The following OAS1 variants were observed in gnomAD, a reference collection of about 807,000 sequenced individuals.
OAS1 encodes the protein 2'-5'-oligoadenylate synthetase 1, also known as 2'-5'-oligoadenylate synthase 1.
Under a neutral mutation model 38.5 loss-of-function variants are expected in OAS1, and 24 were observed. The ratio of observed to expected loss-of-function variants is 0.62; its 90% CI spans 0.45 to 0.88. The LOEUF is 0.88. Ranked by LOEUF, OAS1 falls within the 40% of genes least tolerant of loss-of-function variation. The pLI is 0.00. For synonymous variants in OAS1, 169 were observed against 193.9 expected (o/e 0.87, Z 1.07); for missense variants, 482 against 493.9 (o/e 0.98, Z 0.23).
intron 4 of OAS1, among the ~76,000 whole-genome samples, chr12:112,917,153 ATGTTCTAG>A (rs1405299607): frequency 3.9e-5 from 6 of 152,224 alleles, no homozygotes; most frequent in African/African-American, 1.2e-4. Flanking sequence ...TATGTATGTT[ATGTTCTAG>A]TCGCTGTGCT....
In OAS1 at chr12:112,916,721, G is replaced by A. The variant is rs1379368384; in HGVS notation, c.867G>A (p.Arg289=). 1.9e-5 allele frequency: 30 copies of A among 1,613,806 alleles called. No homozygotes were observed. The highest frequency in any genetic ancestry group is 2.4e-5 in the Non-Finnish European group (28 of 1,179,858). The stretch of plus-strand genomic sequence containing the variant: ...CCATTATTGAAAAGTACCTGAGAAG[G>A]CAGCTCACGAAACCCAGGTATGCTA... ...KNPIIEKYLR[R]QLTKPRPVIL... is the part of the protein sequence containing the mutation. Residue 289 remains arginine, a synonymous_variant, in exon 4 of 6, where the codon AGG becomes AGA. Transcript: ENST00000202917.
downstream of OAS1, among the ~76,000 whole-genome samples, chr12:112,920,579 T>C (rs1487254524): frequency 6.6e-6 from 1 of 152,244 alleles, no homozygotes; most frequent in Non-Finnish European, 1.5e-5. Flanking sequence ...GACAGCTCTG[T>C]CCTCCAAGGT....
At chr12:112,928,487 G>A (rs997762568) in intron 6 of OAS1, among the ~76,000 whole-genome samples, 8 of 152,360 alleles carry the variant, frequency 5.3e-5, no homozygotes, top group Non-Finnish European at 1.2e-4. Flanking sequence ...GCTCATGTGA[G>A]CATGGGTTGG....
chr12:112,922,981 T>C (rs10850096), downstream of OAS1, among the ~76,000 whole-genome samples: 114,604 of 152,198 alleles, frequency 0.75, 44,375 homozygotes, highest in African/African-American at 0.94. Context: ...CTTTCCTCCT[T>C]GGCCACTCAA....
At chr12:112,923,818 C>T (rs761957863), downstream of OAS1, among the ~76,000 whole-genome samples, 4 of 152,176 alleles carry the variant, frequency 2.6e-5, no homozygotes, top group Non-Finnish European at 5.9e-5. Context: ...GGGGAAAGGA[C>T]AGTGTCTTCA....
At chr12:112,914,602 C>T (rs371417342) in intron 3 of OAS1, among the ~76,000 whole-genome samples, 22 of 152,154 alleles carry the variant, frequency 1.4e-4, no homozygotes, top group South Asian at 1.2e-3. Flanking sequence ...ACACCAACAT[C>T]TATTATTGTT....
At chr12:112,908,277 T>C (rs146999796) in intron 1 of OAS1, among the ~76,000 whole-genome samples, 44 of 152,282 alleles carry the variant, frequency 2.9e-4, no homozygotes, top group African/African-American at 9.1e-4. Flanking sequence ...CAGGTTTGAA[T>C]TGTATTTGCC....
chr12:112,909,216 A>AGGAACATT (rs1168251107), intron 2 of OAS1, among the ~76,000 whole-genome samples: 1 of 152,266 alleles, frequency 6.6e-6, no homozygotes, highest in East Asian at 1.9e-4. Flanking sequence ...TATAATTTGC[A>AGGAACATT]GGAACATTTG....
chr12:112,917,230 T>C (rs1423765544), intron 4 of OAS1, among the ~76,000 whole-genome samples: 5 of 152,228 alleles, frequency 3.3e-5, no homozygotes, highest in Non-Finnish European at 7.3e-5. Flanking sequence ...GAGATAGGTA[T>C]GTGGAACTAT....
Position 112,916,742 on chromosome 12 carries a change from T to A in OAS1, c.884+4T>A. On this transcript the variant is annotated splice_donor_region_variant and intron_variant, in intron 4 of 5. Transcript: ENST00000202917. ...GAAGGCAGCTCACGAAACCCAGGTA[T>A]GCTATCCCCACATGGCTTAGCTCCC... 1 of 1,605,674 alleles carries A rather than the reference T, an allele frequency of 6.2e-7. No individual in the cohort carries two copies. The highest frequency in any genetic ancestry group is 1.7e-5 in the Admixed American group (1 of 60,000).
At chr12:112,923,717 T>C (rs532844624), downstream of OAS1, among the ~76,000 whole-genome samples, 1 of 152,252 alleles carries the variant, frequency 6.6e-6, no homozygotes, top group Non-Finnish European at 1.5e-5. Context: ...TTTAGTCTGA[T>C]GTAGTCCAAG....
rs2043468793 is a variant in OAS1 at position 112,916,919 on chromosome 12, GAGGC to G, written c.884+187_884+190del. 18 of 593,462 alleles carry G rather than the reference GAGGC, an allele frequency of 3.0e-5. No individual in the cohort carries two copies. The South Asian group carries it at 3.5e-4, about 12-fold the overall frequency. The allele number at this position is 593,462 out of a possible 1,614,324, so 36.8% of individuals were successfully genotyped here. On this transcript the variant is annotated intron_variant, in intron 4 of 5. Coordinates refer to ENST00000202917, the MANE Select transcript of OAS1 (RefSeq NM_016816.4). ...TTTAAACACCTACCTCCAACCCTGTGAGGCAGGCACTATGCCAATTATTTTACAG... is the reference window on the plus strand; with the variant it reads ...TTTAAACACCTACCTCCAACCCTGTGAGGCACTATGCCAATTATTTTACAG...
At chr12:112,909,794 C>T (rs557401543) in intron 2 of OAS1, among the ~76,000 whole-genome samples, 17 of 152,168 alleles carry the variant, frequency 1.1e-4, no homozygotes, top group African/African-American at 3.4e-4. Context: ...GAGGGAAATG[C>T]GATGACATCT....
chr12:112,921,682 G>T (rs1347266106), downstream of OAS1, among the ~76,000 whole-genome samples: 1 of 152,198 alleles, frequency 6.6e-6, no homozygotes, highest in Non-Finnish European at 1.5e-5. Flanking sequence ...TGCCAGGCTG[G>T]TGTGGGCCAA....
At chr12:112,923,068 ATGTGTGCACTGTATACATTAAC>A (rs1430960778), downstream of OAS1, among the ~76,000 whole-genome samples, 10 of 152,322 alleles carry the variant, frequency 6.6e-5, no homozygotes, top group Non-Finnish European at 1.2e-4. Flanking sequence ...TATACATTAA[ATGTGTGCACTGTATACATTAAC>A]TGTGTGCACT....
At chr12:112,928,984 C>G (rs921967954) in intron 6 of OAS1, among the ~76,000 whole-genome samples, 2 of 152,174 alleles carry the variant, frequency 1.3e-5, no homozygotes, top group Non-Finnish European at 2.9e-5. Flanking sequence ...TTTCCCAGGG[C>G]CTCTACATCT....
intron 6 of OAS1, among the ~76,000 whole-genome samples, chr12:112,927,484 A>G (rs2043567112): frequency 6.6e-6 from 1 of 152,194 alleles, no homozygotes; most frequent in Non-Finnish European, 1.5e-5. Context: ...CTATGAAATT[A>G]AAGATCTTGT....
downstream of OAS1, among the ~76,000 whole-genome samples, chr12:112,922,965 A>G (rs1039960037): frequency 6.6e-6 from 1 of 152,138 alleles, no homozygotes; most frequent in Non-Finnish European, 1.5e-5. Context: ...CCTGGCCTCA[A>G]ACAATCTTTC....
intron 3 of OAS1, 65 bp downstream of exon 3, chr12:112,911,300 A>G (rs1593156019): frequency 5.1e-6 from 6 of 1,171,620 alleles, no homozygotes; most frequent in Admixed American, 5.0e-5. Context: ...GGGTGGGGGG[A>G]GGAGAGAAAG....
Sources: allele counts gnomAD v4.1 joint callset (sites outside exome capture counted in the v4.1 genomes callset), GRCh38; gene constraint gnomAD v4.1.1; transcripts MANE v1.5; gene names NCBI Gene and HGNC (gene_info 2026-07-23, HGNC 2026-07-21).